Variants in JAK2 observed in about 807,000 individuals in gnomAD.
JAK2 encodes tyrosine-protein kinase JAK2.
Under a neutral mutation model 139.3 loss-of-function variants are expected in JAK2, and 86 were observed. The ratio of observed to expected loss-of-function variants is 0.62; its 90% CI spans 0.52 to 0.74. The LOEUF is 0.74. JAK2 is among the 30% of genes least tolerant of loss of function. The pLI is 0.00. For missense variants in JAK2, 1,421 were observed against 1,360.3 expected (o/e 1.04, Z -0.70); for synonymous variants, 490 against 437.7 (o/e 1.12, Z -1.49).
intron 24 of JAK2, 112 bp downstream of exon 24, chr9:5,126,558 T>C: frequency 1.1e-6 from 1 of 927,196 alleles, no homozygotes; most frequent in Non-Finnish European, 1.7e-6. Context: ...ATAAACAGCA[T>C]AATCAGATGA....
At chr9:5,056,262 A>G (rs1484785737) in intron 8 of JAK2, among the ~76,000 whole-genome samples, 1 of 152,150 alleles carries the variant, frequency 6.6e-6, no homozygotes, top group Non-Finnish European at 1.5e-5. Context: ...ATTCTAAAAG[A>G]TTAACGCTTT....
intron 5 of JAK2, among the ~76,000 whole-genome samples, chr9:5,046,336 T>C (rs1817007854): frequency 6.6e-6 from 1 of 152,222 alleles, no homozygotes; most frequent in African/African-American, 2.4e-5. Flanking sequence ...GATTTGTAGA[T>C]AGTTTTTCCC....
chr9:5,028,153 T>C (rs1822903076), intron 3 of JAK2, among the ~76,000 whole-genome samples: 1 of 152,220 alleles, frequency 6.6e-6, no homozygotes, highest in African/African-American at 2.4e-5. Context: ...TAATAAGATT[T>C]GAAAGTCAAA....
At chr9:5,059,857 T>G (rs1436998854) in intron 8 of JAK2, among the ~76,000 whole-genome samples, 4 of 152,334 alleles carry the variant, frequency 2.6e-5, no homozygotes, top group Middle Eastern at 6.8e-3. Context: ...TCTTATGAAG[T>G]GCCTGTGACA....
chr9:5,041,067 C>T, intron 4 of JAK2: 1 of 692,248 alleles, frequency 1.4e-6, no homozygotes, highest in Admixed American at 2.1e-5. Flanking sequence ...GGGCGTCCCT[C>T]AGGTCTACTA....
rs1292550677 is a variant in JAK2 at position 5,069,162 on chromosome 9, C to T, written c.1467C>T (p.Asp489=). Residue 489 remains aspartate (D), a synonymous_variant, in exon 11 of 25, where the codon GAC becomes GAT. Transcript: ENST00000381652. ...ACCAGATGGAAACTGTTCGCTCAGA[C>T]AATATAATTTTCCAGTTTACTAAAT... The part of the protein sequence containing the change: ...NCYQMETVRS[D]NIIFQFTKCC... The T allele has an allele frequency of 1.2e-6, 2 of 1,610,954 alleles. No individual in the cohort carries two copies. Among genetic ancestry groups the T allele is most frequent in the African/African-American group, 1.3e-5 (1 of 74,728 alleles).
chr9:5,074,763 G>C (rs1819199876), intron 14 of JAK2, among the ~76,000 whole-genome samples: 1 of 152,204 alleles, frequency 6.6e-6, no homozygotes, highest in Admixed American at 6.5e-5. Flanking sequence ...AGCTAGAAAT[G>C]AAGCAGCAAA....
intron 4 of JAK2, among the ~76,000 whole-genome samples, chr9:5,034,412 C>G (rs1586672709): frequency 3.9e-5 from 6 of 152,328 alleles, no homozygotes; most frequent in Admixed American, 1.3e-4. Flanking sequence ...CTACAGAACT[C>G]TCCACCCCAA....
At chr9:5,034,773 A>G (rs965717280) in intron 4 of JAK2, among the ~76,000 whole-genome samples, 1 of 152,208 alleles carries the variant, frequency 6.6e-6, no homozygotes, top group African/African-American at 2.4e-5. Context: ...CTAAAGGCCC[A>G]CAAGAGAAAG....
intron 19 of JAK2, chr9:5,086,043 T>A (rs1294304340): frequency 1.3e-6 from 1 of 753,998 alleles, no homozygotes; most frequent in Non-Finnish European, 2.4e-6. Flanking sequence ...AGGTGTTAAA[T>A]GCTTCACAAG....
intron 2 of JAK2, among the ~76,000 whole-genome samples, chr9:4,996,066 A>G (rs1820542473): frequency 6.6e-6 from 1 of 152,242 alleles, no homozygotes; most frequent in South Asian, 2.1e-4. Context: ...GATTGGAACC[A>G]TTAAGGATAA....
chr9:5,083,529 A>G (rs1819861852), intron 19 of JAK2, among the ~76,000 whole-genome samples: 1 of 152,266 alleles, frequency 6.6e-6, no homozygotes, highest in East Asian at 1.9e-4. Context: ...TTTCTTTTAT[A>G]CAACTTAATC....
intron 2 of JAK2, among the ~76,000 whole-genome samples, chr9:5,011,151 A>C (rs994054186): frequency 1.3e-5 from 2 of 152,158 alleles, no homozygotes; most frequent in Non-Finnish European, 2.9e-5. Flanking sequence ...TGATTTTTTT[A>C]AACAAACTTG....
chr9:5,054,545 G>A lies in JAK2; in HGVS notation c.615-18G>A. On this transcript the variant is annotated intron_variant, in intron 6 of 24. Transcript: ENST00000381652. The surrounding 1 kb of genome is among the most constrained non-coding windows in gnomAD (Gnocchi z 4.9). ...TTTGTTTTGTTTTGTTTTTCTGTATGTGCTTTTTTATCCCTAGCTACAAGA... is the reference window on the plus strand; with the variant it reads ...TTTGTTTTGTTTTGTTTTTCTGTATATGCTTTTTTATCCCTAGCTACAAGA... 1 of 1,537,544 alleles carries A rather than the reference G, an allele frequency of 6.5e-7. No homozygotes were observed. Among genetic ancestry groups the A allele is most frequent in the Non-Finnish European group, 8.8e-7 (1 of 1,141,372 alleles).
intron 5 of JAK2, among the ~76,000 whole-genome samples, chr9:5,045,568 C>G (rs1019372932): frequency 1.3e-5 from 2 of 152,168 alleles, no homozygotes; most frequent in African/African-American, 4.8e-5. Flanking sequence ...AATAATAACT[C>G]TGTATTTCCC....
intron 3 of JAK2, among the ~76,000 whole-genome samples, chr9:5,027,038 C>T (rs530857888): frequency 7.7e-4 from 118 of 152,276 alleles, no homozygotes; most frequent in African/African-American, 2.7e-3. Flanking sequence ...TAAAACAACT[C>T]CTTCTGTGCA....
intron 3 of JAK2, among the ~76,000 whole-genome samples, chr9:5,027,131 C>G (rs552289577): frequency 6.6e-5 from 10 of 152,312 alleles, no homozygotes; most frequent in South Asian, 6.2e-4. Context: ...TAGAGGACAA[C>G]TGAAGAAACC....
chr9:5,119,286 C>A (rs943690936), intron 22 of JAK2, among the ~76,000 whole-genome samples: 18 of 151,990 alleles, frequency 1.2e-4, no homozygotes, highest in African/African-American at 4.1e-4. Flanking sequence ...AAACAAATGA[C>A]AGAACAAATG....
At chr9:5,091,475 G>C (rs893295206) in intron 22 of JAK2, 4 of 152,138 alleles carry the variant, frequency 2.6e-5, no homozygotes, top group Admixed American at 2.0e-4. Flanking sequence ...TTTAATTTTT[G>C]AGGGGGAGGG....
Sources: gnomAD v4.1 joint callset for allele counts (sites outside exome capture counted in the v4.1 genomes callset) on GRCh38, gnomAD v4.1.1 for gene constraint, Gnocchi (gnomAD v3.1) non-coding constraint, MANE v1.5 for transcripts, NCBI Gene and HGNC (gene_info 2026-07-23, HGNC 2026-07-21) for gene names.